Variants in FMN2 observed in about 807,000 individuals in gnomAD.
FMN2 encodes formin-2.
A neutral mutation model predicts 142.3 loss-of-function variants in FMN2; 51 were observed. That is an observed-to-expected ratio of 0.36 (90% confidence interval 0.29 to 0.45). The LOEUF (loss-of-function observed/expected upper bound fraction) is 0.45. Among genes scored for constraint, FMN2 ranks in the 20% least tolerant of loss-of-function variants. FMN2 has a pLI of 1.00. For missense variants in FMN2, 1,936 were observed against 2,122.8 expected (o/e 0.91, Z 1.73); for synonymous variants, 882 against 869.8 (o/e 1.01, Z -0.25).
At chr1:240,097,188 A>G (rs983571576) in intron 1 of FMN2, among the ~76,000 whole-genome samples, 1 of 152,072 alleles carries the variant, frequency 6.6e-6, no homozygotes. Flanking sequence ...AAAGGGCTTA[A>G]TGTCATCTTC....
chr1:240,371,092 C>G (rs1444890135), intron 14 of FMN2, among the ~76,000 whole-genome samples: 1 of 151,984 alleles, frequency 6.6e-6, no homozygotes, highest in Non-Finnish European at 1.5e-5. Context: ...GCACATGCCA[C>G]CATGCCCAGC....
chr1:240,343,354 G>C (rs937182968), intron 13 of FMN2, among the ~76,000 whole-genome samples: 18 of 152,292 alleles, frequency 1.2e-4, no homozygotes, highest in African/African-American at 4.3e-4. Context: ...GATAGTAAAT[G>C]CTCTACAAAA....
chr1:240,288,268 C>T (rs12045256), intron 7 of FMN2, among the ~76,000 whole-genome samples: 13,037 of 152,116 alleles, frequency 0.086, 744 homozygotes, highest in South Asian at 0.15. Flanking sequence ...ATCTACAGAA[C>T]GTATCTCATA....
At chr1:240,153,602 G>C (rs1193477124) in intron 2 of FMN2, among the ~76,000 whole-genome samples, 1 of 152,032 alleles carries the variant, frequency 6.6e-6, no homozygotes, top group Admixed American at 6.6e-5. Context: ...GGGCTCAAGT[G>C]ATCCTCTCAG....
At chr1:240,381,404 CAAAG>C (rs1335202095) in intron 14 of FMN2, among the ~76,000 whole-genome samples, 2 of 152,046 alleles carry the variant, frequency 1.3e-5, no homozygotes, top group Non-Finnish European at 2.9e-5. Context: ...ATTTACCACA[CAAAG>C]AGATTTAAAA....
intron 1 of FMN2, among the ~76,000 whole-genome samples, chr1:240,102,865 T>A (rs1242984732): frequency 1.5e-5 from 2 of 133,024 alleles, no homozygotes; most frequent in African/African-American, 3.0e-5. Flanking sequence ...GATCCTTTAA[T>A]TTTTTTTTTT....
chr1:240,255,546 G>A (rs973890515), intron 6 of FMN2, among the ~76,000 whole-genome samples: 6 of 152,134 alleles, frequency 3.9e-5, no homozygotes, highest in African/African-American at 1.2e-4. Context: ...GGTGGTTTCC[G>A]CAAATACAGA....
At chr1:240,097,729 G>T (rs116850838) in intron 1 of FMN2, among the ~76,000 whole-genome samples, 1 of 152,186 alleles carries the variant, frequency 6.6e-6, no homozygotes, top group East Asian at 1.9e-4. Flanking sequence ...ATTTGCAATT[G>T]GCTTACAATT....
intron 3 of FMN2, among the ~76,000 whole-genome samples, chr1:240,187,668 T>G (rs1665537852): frequency 6.6e-6 from 1 of 152,198 alleles, no homozygotes; most frequent in Non-Finnish European, 1.5e-5. Flanking sequence ...GAATGATGAA[T>G]TTGCAGTCTC....
At chr1:240,300,033 T>A (rs1355025108) in intron 8 of FMN2, among the ~76,000 whole-genome samples, 1 of 152,192 alleles carries the variant, frequency 6.6e-6, no homozygotes, top group Non-Finnish European at 1.5e-5. Flanking sequence ...ATAGCTAGAT[T>A]AAAATAGGCC....
At chr1:240,194,593 G>T (rs1329251279) in intron 4 of FMN2, among the ~76,000 whole-genome samples, 2 of 152,192 alleles carry the variant, frequency 1.3e-5, no homozygotes, top group South Asian at 2.1e-4. Context: ...CTACTAACTG[G>T]CAGTTATAAG....
At chr1:240,406,185 G>T (rs77390839) in intron 15 of FMN2, among the ~76,000 whole-genome samples, 23 of 63,208 alleles carry the variant, frequency 3.6e-4, no homozygotes, top group Non-Finnish European at 4.5e-4. Context: ...GCGAAGGGAA[G>T]CAGCCTCGGG....
rs536357750 is a variant in FMN2, at chr1:240,180,332, C to T, written c.1930+2264C>T. ...TGACGTAAATTTGGAGAGACACTTC[C>T]ATGAGACAGCCTCGTTCCCAGAACC... On this transcript the variant is annotated intron_variant, in intron 3 of 17. Transcript: ENST00000319653. Among the ~76,000 whole-genome samples the T allele has an allele frequency of 2.6e-5, 4 of 152,190 alleles. No individual in the cohort carries two copies. The South Asian group carries it at 8.3e-4, about 32-fold the overall frequency.
At chr1:240,161,971 A>G (rs887958009) in intron 2 of FMN2, among the ~76,000 whole-genome samples, 2 of 152,062 alleles carry the variant, frequency 1.3e-5, no homozygotes, top group Admixed American at 1.3e-4. Context: ...TTTGGAGTAT[A>G]TTGAAAGTAA....
chr1:240,145,195 C>T, intron 2 of FMN2: 1 of 1,434,042 alleles, frequency 7.0e-7, no homozygotes, highest in Non-Finnish European at 9.8e-7. Flanking sequence ...CGAGTCATTC[C>T]ACAAGCATCT....
chr1:240,103,240 A>G (rs10926125), intron 1 of FMN2, among the ~76,000 whole-genome samples: 21,703 of 152,180 alleles, frequency 0.14, 4,294 homozygotes, highest in African/African-American at 0.44. Context: ...TTTTCATATC[A>G]TCTGCTTTTG....
rs138355110 is a variant in FMN2, at chr1:240,449,445, G to A, written c.5060+11235G>A. ...AGGTCATGAGAAGAATTTTGAGCCC[G>A]TGGAAAGGAAACTTTTGTTTAAGGC... On this transcript the variant is annotated intron_variant, in intron 16 of 17. Transcript: ENST00000319653. 2.9e-3 allele frequency among the ~76,000 whole-genome samples: 435 copies of A among 152,240 alleles called. 1 individual carries two copies. Among genetic ancestry groups the A allele is most frequent in the African/African-American group, 9.7e-3 (403 of 41,544 alleles).
chr1:240,148,806 C>CCGTCTCTA (rs1474511775), intron 2 of FMN2, among the ~76,000 whole-genome samples: 1 of 151,712 alleles, frequency 6.6e-6, no homozygotes, highest in East Asian at 1.9e-4. Flanking sequence ...TGGTGAAACC[C>CCGTCTCTA]CTAAAAATAC....
chr1:240,215,387 C>T (rs1477834787), intron 6 of FMN2, among the ~76,000 whole-genome samples: 1 of 152,096 alleles, frequency 6.6e-6, no homozygotes, highest in East Asian at 1.9e-4. Flanking sequence ...ACAGAAACCT[C>T]AGGTACAGAG....
Sources: allele counts gnomAD v4.1 joint callset (sites outside exome capture counted in the v4.1 genomes callset), GRCh38; gene constraint gnomAD v4.1.1; transcripts MANE v1.5; gene names NCBI Gene and HGNC (gene_info 2026-07-23, HGNC 2026-07-21).